The following ACVR1C variants were observed in gnomAD, a reference collection of about 807,000 sequenced individuals.
ACVR1C encodes activin receptor type-1C.
In ACVR1C, 23 loss-of-function variants were observed where a neutral mutation model predicts 57.9. That is an observed-to-expected ratio of 0.40 (90% CI 0.29 to 0.56). The LOEUF (loss-of-function observed/expected upper bound fraction) is 0.56. Ranked by LOEUF, ACVR1C falls within the 20% of genes least tolerant of loss-of-function variation. The pLI, the probability that ACVR1C is intolerant of heterozygous loss-of-function variation, is 0.50. For synonymous variants in ACVR1C, 214 were observed against 215.3 expected (o/e 0.99, Z 0.05); for missense variants, 480 against 607.9 (o/e 0.79, Z 2.21).
At chr2:157,553,403 T>TG (rs11402379) in intron 3 of ACVR1C, among the ~76,000 whole-genome samples, 1 of 152,050 alleles carries the variant, frequency 6.6e-6, no homozygotes, top group African/African-American at 2.4e-5. Flanking sequence ...CTACTTTTTT[T>TG]TTTTTTAAAT....
rs934024234 is a variant in ACVR1C at position 157,539,173 on chromosome 2, A to G, written c.1226-470T>C. Among the ~76,000 whole-genome samples, 13 of 152,164 alleles carry G rather than the reference A, an allele frequency of 8.5e-5. No individual in the cohort carries two copies. In the South Asian group the frequency reaches 2.3e-3, roughly 27 times the overall value. On this transcript the variant is annotated intron_variant, in intron 7 of 8. Transcript: ENST00000243349. Reference sequence around the variant, plus strand: ...AATGAAGTACGTATATTTTCCCATCAGATAACTTTTTCAAAACAAAACAGC... The same window carrying G: ...AATGAAGTACGTATATTTTCCCATCGGATAACTTTTTCAAAACAAAACAGC...
At chr2:157,569,328 GA>G (rs1688468939) in intron 2 of ACVR1C, among the ~76,000 whole-genome samples, 1 of 25,370 alleles carries the variant, frequency 3.9e-5, no homozygotes, top group East Asian at 1.1e-3. Flanking sequence ...CAAACACATT[GA>G]AAAGCTAGCA....
chr2:157,619,539 T>C (rs1682720702), intron 1 of ACVR1C, among the ~76,000 whole-genome samples: 1 of 152,144 alleles, frequency 6.6e-6, no homozygotes, highest in Non-Finnish European at 1.5e-5. Flanking sequence ...GCAACACCTA[T>C]CTGTTTATGT....
intron 2 of ACVR1C, among the ~76,000 whole-genome samples, chr2:157,569,547 C>T (rs1222150108): frequency 1.0e-5 from 1 of 97,144 alleles, no homozygotes; most frequent in Non-Finnish European, 2.1e-5. Flanking sequence ...ACCGATCCCA[C>T]AGAAATACAA....
At chr2:157,574,238 A>C (rs531862478) in intron 2 of ACVR1C, among the ~76,000 whole-genome samples, 1 of 152,216 alleles carries the variant, frequency 6.6e-6, no homozygotes, top group Non-Finnish European at 1.5e-5. Flanking sequence ...GAAGTCTAAG[A>C]TCAACATGCC....
chr2:157,598,000 C>T (rs1006218165), intron 1 of ACVR1C, among the ~76,000 whole-genome samples: 1 of 152,146 alleles, frequency 6.6e-6, no homozygotes, highest in East Asian at 1.9e-4. Context: ...GATAATTAAG[C>T]CCCTAATGTG....
chr2:157,579,141 T>C (rs1217661639), intron 2 of ACVR1C, among the ~76,000 whole-genome samples: 3 of 152,208 alleles, frequency 2.0e-5, no homozygotes, highest in African/African-American at 7.2e-5. Flanking sequence ...ATTGACTTTC[T>C]TGGGATTGGG....
At chr2:157,546,799 C>CTTATT (rs944249177) in intron 4 of ACVR1C, among the ~76,000 whole-genome samples, 167 of 151,976 alleles carry the variant, frequency 1.1e-3, no homozygotes, top group Middle Eastern at 6.8e-3. Flanking sequence ...TTTATGAGTA[C>CTTATT]TTATTTTATT....
At chr2:157,583,390 G>GA (rs571541809) in intron 2 of ACVR1C, among the ~76,000 whole-genome samples, 14 of 150,454 alleles carry the variant, frequency 9.3e-5, no homozygotes, top group South Asian at 2.1e-4. Context: ...AATAGGTGAA[G>GA]AAAAAAAAAT....
chr2:157,554,270 A>AGAAG, intron 3 of ACVR1C, among the ~76,000 whole-genome samples: 1 of 136,898 alleles, frequency 7.3e-6, no homozygotes, highest in Non-Finnish European at 1.5e-5. Flanking sequence ...AAAGAAAGAA[A>AGAAG]GGAAGGAAGG....
intron 2 of ACVR1C, among the ~76,000 whole-genome samples, chr2:157,584,002 A>G (rs1210556972): frequency 1.3e-5 from 2 of 152,126 alleles, no homozygotes. Context: ...TTTTTTTAAA[A>G]AGATAAATCA....
chr2:157,542,137 C>T lies in ACVR1C; in HGVS notation c.1100+569G>A, dbSNP rs114622101. On this transcript the variant is annotated intron_variant, in intron 6 of 8. Transcript: ENST00000243349. ...GGAATTGTATCCAAATTCATATTATCTTAATACATATCAATTTGGGAGATT... is the reference window on the plus strand; with the variant it reads ...GGAATTGTATCCAAATTCATATTATTTTAATACATATCAATTTGGGAGATT... 9.4e-3 allele frequency among the ~76,000 whole-genome samples: 1,436 copies of T among 152,158 alleles called. 12 individuals carry two copies. The highest frequency in any genetic ancestry group is 0.016 in the Admixed American group (239 of 15,282).
At chr2:157,586,785 C>A (rs1558987861) in intron 2 of ACVR1C, among the ~76,000 whole-genome samples, 1 of 152,126 alleles carries the variant, frequency 6.6e-6, no homozygotes, top group Non-Finnish European at 1.5e-5. Flanking sequence ...AGTTGGCAAT[C>A]TGCTATTTTT....
chr2:157,538,104 T>G (rs1358965577), intron 8 of ACVR1C, among the ~76,000 whole-genome samples: 2 of 152,182 alleles, frequency 1.3e-5, no homozygotes, highest in Admixed American at 1.3e-4. Flanking sequence ...CTAGCCCCCC[T>G]GCAGGTGGTG....
intron 2 of ACVR1C, among the ~76,000 whole-genome samples, chr2:157,584,078 C>A (rs1288209809): frequency 2.0e-5 from 3 of 151,696 alleles, no homozygotes; most frequent in South Asian, 4.2e-4. Context: ...AATGGCAAAC[C>A]ACAGAATGGA....
At chr2:157,553,397 T>TA (rs1687967885) in intron 3 of ACVR1C, among the ~76,000 whole-genome samples, 3 of 91,702 alleles carry the variant, frequency 3.3e-5, no homozygotes, top group Non-Finnish European at 6.1e-5. Context: ...CATTTACTAC[T>TA]TTTTTTTTTT....
rs1351312361 is a variant in ACVR1C, at chr2:157,587,370, G to C, written c.121C>G (p.Gln41Glu). Residue 41 changes from glutamine to glutamate, a missense_variant, in exon 2 of 9, where the codon CAA becomes GAA. Gln to Glu is a conservative substitution (Grantham distance 29). Transcript: ENST00000243349. ...LLCDSSNFTC[Q>E]TEGACWASVM... The stretch of plus-strand genomic sequence containing the variant: ...GATGCCCAACATGCTCCTTCTGTTT[G>C]GCAGGTGAAGTTTGAAGAATCACAC... 5 of 1,613,426 alleles carry C rather than the reference G, an allele frequency of 3.1e-6. No individual in the cohort carries two copies. The highest frequency in any genetic ancestry group is 4.2e-6 in the Non-Finnish European group (5 of 1,179,614).
At chr2:157,616,010 C>T (rs1682639656) in intron 1 of ACVR1C, among the ~76,000 whole-genome samples, 1 of 152,112 alleles carries the variant, frequency 6.6e-6, no homozygotes, top group Admixed American at 6.5e-5. Context: ...AGAAATTTGT[C>T]TGGATTGGGC....
intron 2 of ACVR1C, among the ~76,000 whole-genome samples, chr2:157,586,114 ACTT>A (rs1053920250): frequency 6.6e-6 from 1 of 152,018 alleles, no homozygotes; most frequent in East Asian, 1.9e-4. Context: ...TGTCTTTTAC[ACTT>A]CTTCTCTCTT....
Sources: gnomAD v4.1 joint callset for allele counts (sites outside exome capture counted in the v4.1 genomes callset) on GRCh38, gnomAD v4.1.1 for gene constraint, MANE v1.5 for transcripts, NCBI Gene and HGNC (gene_info 2026-07-23, HGNC 2026-07-21) for gene names.